PTPRK: variants seen among roughly 807,000 people sequenced by gnomAD.
PTPRK encodes the protein receptor-type tyrosine-protein phosphatase kappa.
PTPRK carries 75 observed loss-of-function variants against 178.0 expected under a neutral mutation model. The ratio of observed to expected loss-of-function variants is 0.42; its 90% CI spans 0.35 to 0.51. The LOEUF (loss-of-function observed/expected upper bound fraction) is 0.51, where lower values mean the gene tolerates loss of function less well. PTPRK is among the 20% of genes least tolerant of loss of function. PTPRK has a pLI of 0.02. For synonymous variants in PTPRK, 637 were observed against 620.6 expected (o/e 1.03, Z -0.39); for missense variants, 1,441 against 1,797.8 (o/e 0.80, Z 3.59).
chr6:128,374,944 G>C (rs985391916), intron 2 of PTPRK, among the ~76,000 whole-genome samples: 3 of 151,752 alleles, frequency 2.0e-5, no homozygotes, highest in Non-Finnish European at 4.4e-5. Context: ...CTAGTTCAAG[G>C]ACTTTCCACT....
chr6:128,433,797 G>C (rs1845151662), intron 1 of PTPRK, among the ~76,000 whole-genome samples: 5 of 150,048 alleles, frequency 3.3e-5, no homozygotes, highest in Admixed American at 3.3e-4. Flanking sequence ...GATTACAGGG[G>C]TGAGCTACCA....
chr6:128,043,660 G>A (rs905235689), intron 13 of PTPRK, among the ~76,000 whole-genome samples: 1 of 151,634 alleles, frequency 6.6e-6, no homozygotes, highest in Non-Finnish European at 1.5e-5. Context: ...AAAAGAGAAA[G>A]ATAGATGTGA....
At chr6:128,059,180 T>A (rs1319286704) in intron 13 of PTPRK, among the ~76,000 whole-genome samples, 1 of 152,134 alleles carries the variant, frequency 6.6e-6, no homozygotes, top group African/African-American at 2.4e-5. Flanking sequence ...TTAATTTTTT[T>A]AACAAAATTG....
chr6:128,355,526 G>C (rs988025627), intron 2 of PTPRK, among the ~76,000 whole-genome samples: 2 of 152,082 alleles, frequency 1.3e-5, no homozygotes, highest in Non-Finnish European at 2.9e-5. Context: ...ACACACACAT[G>C]CATGTGGGTA....
intron 1 of PTPRK, among the ~76,000 whole-genome samples, chr6:128,443,915 C>T (rs904627403): frequency 3.9e-5 from 6 of 152,196 alleles, no homozygotes; most frequent in African/African-American, 7.2e-5. Flanking sequence ...TGCACTGGCA[C>T]GCTCTTGGCT....
chr6:128,492,548 C>T (rs1853973538), intron 1 of PTPRK, among the ~76,000 whole-genome samples: 1 of 152,026 alleles, frequency 6.6e-6, no homozygotes, highest in African/African-American at 2.4e-5. Context: ...ACTCATATGG[C>T]CCCAAGAGAA....
At chr6:128,244,495 G>A (rs1243412756) in intron 3 of PTPRK, among the ~76,000 whole-genome samples, 1 of 152,170 alleles carries the variant, frequency 6.6e-6, no homozygotes, top group Non-Finnish European at 1.5e-5. Context: ...GTGGTACCAG[G>A]AGGTTTCAAG....
intron 2 of PTPRK, 53 bp from the exon 3 acceptor site, chr6:128,322,363 C>CAT: frequency 6.9e-7 from 1 of 1,458,374 alleles, no homozygotes; most frequent in Non-Finnish European, 9.4e-7. Context: ...GCAAAGGGAA[C>CAT]ATATAACAAT....
chr6:128,004,994 ACT>A (rs1778253436), intron 15 of PTPRK, 88 bp downstream of exon 15: 2 of 1,046,172 alleles, frequency 1.9e-6, no homozygotes, highest in African/African-American at 1.6e-5. Context: ...TCACTTTCCT[ACT>A]CTCTCTCATT....
chr6:128,161,274 T>C (rs1280201650), intron 7 of PTPRK, among the ~76,000 whole-genome samples: 1 of 151,716 alleles, frequency 6.6e-6, no homozygotes, highest in Non-Finnish European at 1.5e-5. Flanking sequence ...AAACAATATT[T>C]GTTTAATGCA....
intron 13 of PTPRK, among the ~76,000 whole-genome samples, chr6:128,013,441 C>T (rs553900548): frequency 7.3e-5 from 11 of 151,584 alleles, no homozygotes; most frequent in South Asian, 2.1e-4. Context: ...TATGTCTTCA[C>T]GTCAATGTAT....
chr6:128,157,934 A>C (rs1428934821), intron 7 of PTPRK, among the ~76,000 whole-genome samples: 2 of 151,968 alleles, frequency 1.3e-5, no homozygotes, highest in Non-Finnish European at 2.9e-5. Context: ...GAAGCTCTTT[A>C]GTTTAATTAG....
At chr6:128,087,534 G>A (rs1786108590) in intron 8 of PTPRK, among the ~76,000 whole-genome samples, 1 of 151,892 alleles carries the variant, frequency 6.6e-6, no homozygotes, top group South Asian at 2.1e-4. Flanking sequence ...ATTCTTTCTT[G>A]CATAAATATG....
At chr6:128,213,545 A>C (rs1346075506) in intron 6 of PTPRK, among the ~76,000 whole-genome samples, 1 of 152,060 alleles carries the variant, frequency 6.6e-6, no homozygotes, top group Non-Finnish European at 1.5e-5. Flanking sequence ...TGTCAAGATG[A>C]CCAGTTTTCA....
chr6:128,442,345 C>T (rs551554072), intron 1 of PTPRK, among the ~76,000 whole-genome samples: 2 of 152,240 alleles, frequency 1.3e-5, no homozygotes, highest in East Asian at 3.9e-4. Context: ...CCTTCTTTTC[C>T]TTCAATGGTG....
intron 3 of PTPRK, among the ~76,000 whole-genome samples, chr6:128,253,513 G>T (rs937886790): frequency 2.0e-5 from 3 of 152,110 alleles, no homozygotes; most frequent in Admixed American, 6.6e-5. Context: ...ACTGGTGAAG[G>T]TTTCTACTTC....
intron 13 of PTPRK, among the ~76,000 whole-genome samples, chr6:128,058,782 C>T (rs1254022825): frequency 6.6e-6 from 1 of 151,284 alleles, no homozygotes; most frequent in Non-Finnish European, 1.5e-5. Context: ...ACTATTGTAA[C>T]ATCATAAAAT....
intron 2 of PTPRK, chr6:128,340,748 A>C: frequency 2.2e-6 from 1 of 459,400 alleles, no homozygotes; most frequent in South Asian, 1.7e-5. Context: ...AGAGTGGCAA[A>C]TAGGTACTTC....
intron 3 of PTPRK, among the ~76,000 whole-genome samples, chr6:128,273,537 T>A (rs894917771): frequency 6.6e-6 from 1 of 152,090 alleles, no homozygotes. Flanking sequence ...CCTACTGAGA[T>A]CCACTGTCCC....
Sources: allele counts gnomAD v4.1 joint callset (sites outside exome capture counted in the v4.1 genomes callset), GRCh38; gene constraint gnomAD v4.1.1; transcripts MANE v1.5; gene names NCBI Gene and HGNC (gene_info 2026-07-23, HGNC 2026-07-21).